CELF6: variants seen among roughly 807,000 people sequenced by gnomAD.
CELF6 encodes Bruno -like 6, RNA binding protein.
CELF6 carries 32 observed loss-of-function variants against 53.1 expected under a neutral mutation model. The observed-to-expected ratio is 0.60, with a 90% CI of 0.46 to 0.81. The LOEUF (loss-of-function observed/expected upper bound fraction) is 0.81. CELF6 is among the 30% of genes least tolerant of loss of function. The probability of loss-of-function intolerance (pLI) is 0.00; values close to 1 mark genes in which losing one functional copy is unlikely to be tolerated. For missense variants in CELF6, 539 were observed against 669.5 expected (o/e 0.81, Z 2.15); for synonymous variants, 291 against 288.8 (o/e 1.01, Z -0.08).
intron 3 of CELF6, among the ~76,000 whole-genome samples, chr15:72,291,743 C>T (rs565683760): frequency 4.3e-4 from 65 of 152,252 alleles, no homozygotes; most frequent in Middle Eastern, 3.4e-3. Context: ...GTCTGTCTGA[C>T]GATGCTATGT....
rs970142964 is a variant in CELF6 at position 72,288,987 on chromosome 15, T to A, written c.1031-57A>T. On this transcript the variant is annotated intron_variant, in intron 8 of 12. Coordinates refer to ENST00000287202, the MANE Select transcript of CELF6 (RefSeq NM_052840.5). This position sits in a 1 kb window ranked among gnomAD's most constrained non-coding sequence, Gnocchi z 4.6. ...AAGGCAAGCGGGCGAGCAGAGTGGGTGAGAAGCTCAGGGAGTGTGGGAGGT... is the reference window on the plus strand; with the variant it reads ...AAGGCAAGCGGGCGAGCAGAGTGGGAGAGAAGCTCAGGGAGTGTGGGAGGT... 9 of 1,479,140 alleles carry A rather than the reference T, an allele frequency of 6.1e-6. No homozygotes were observed. The Middle Eastern group carries it at 1.6e-3, about 257-fold the overall frequency. The allele number at this position is 1,479,140 out of a possible 1,614,324, so 91.6% of individuals were successfully genotyped here.
At position 72,286,067 on chromosome 15, in the gene CELF6, A is replaced by T. The variant is rs1046404057; in HGVS notation, c.*304T>A. ...AATGATATGATTTTGAAAGAAGTAA[A>T]TCTGGGCTTCCCTTGCGGAGAAGCC... On this transcript the variant is annotated 3_prime_UTR_variant, in exon 13 of 13. Transcript: ENST00000287202. 6.6e-6 allele frequency: 1 copy of T among 152,640 alleles called. No homozygotes were observed. The highest frequency in any genetic ancestry group is 1.5e-5 in the Non-Finnish European group (1 of 68,060). The allele number at this position is 152,640 out of a possible 1,614,324, so 9.5% of individuals were successfully genotyped here.
intron 2 of CELF6, among the ~76,000 whole-genome samples, chr15:72,314,331 C>T (rs1190886476): frequency 1.3e-5 from 2 of 152,078 alleles, no homozygotes; most frequent in Non-Finnish European, 2.9e-5. Flanking sequence ...CATAGAAAAC[C>T]AAACCCCTCT....
intron 3 of CELF6, among the ~76,000 whole-genome samples, chr15:72,300,082 C>T (rs531316858): frequency 6.6e-5 from 10 of 152,180 alleles, no homozygotes; most frequent in East Asian, 1.9e-4. Context: ...GGGCCGGGCA[C>T]GGTGGTTCTT....
intron 2 of CELF6, among the ~76,000 whole-genome samples, chr15:72,311,785 T>C (rs1164984030): frequency 2.0e-5 from 3 of 152,196 alleles, no homozygotes; most frequent in African/African-American, 7.2e-5. Context: ...ACAGTGCCTT[T>C]CTGTAAATTA....
At position 72,289,681 on chromosome 15, in the gene CELF6, GC is replaced by G; in HGVS notation, c.692del (p.Gly231AlafsTer10). The G allele has an allele frequency of 6.7e-7, 1 of 1,491,008 alleles. No homozygotes were observed. The highest frequency in any genetic ancestry group is 1.3e-5 in the South Asian group (1 of 78,796). The allele number at this position is 1,491,008 out of a possible 1,614,324, so 92.4% of individuals were successfully genotyped here. A position where few individuals can be genotyped will look rare whatever the true frequency, so the allele number is the denominator to read the frequency against. ...RRMQQMAGHL[G>X]AFHPAPLPLG... Reference sequence around the variant, plus strand: ...GCGGCAGTGGCGCGGGGTGGAAGGCGCCCAGGTGGCCGGCCATCTGCTGCAT... The same window carrying G: ...GCGGCAGTGGCGCGGGGTGGAAGGCGCCAGGTGGCCGGCCATCTGCTGCAT... On this transcript the variant is annotated frameshift_variant, in exon 6 of 13. Transcript: ENST00000287202. LOFTEE classifies it high-confidence loss of function. This position sits in a 1 kb window ranked among gnomAD's most constrained non-coding sequence, Gnocchi z 7.6.
intron 3 of CELF6, among the ~76,000 whole-genome samples, chr15:72,298,459 A>G (rs1301371356): frequency 6.6e-6 from 1 of 152,218 alleles, no homozygotes; most frequent in Non-Finnish European, 1.5e-5. Flanking sequence ...ATCCTCAGAG[A>G]ATGTTTTAAG....
intron 2 of CELF6, among the ~76,000 whole-genome samples, chr15:72,314,448 C>T (rs1470278897): frequency 2.6e-5 from 4 of 152,096 alleles, no homozygotes; most frequent in South Asian, 2.1e-4. Flanking sequence ...TACAGCCAAG[C>T]GAGCTAGGTG....
Position 72,289,383 on chromosome 15 carries a change from G to C in CELF6, c.872C>G (p.Pro291Arg). The C allele has an allele frequency of 6.4e-7, 1 of 1,553,976 alleles. No homozygotes were observed. ...AFSLVAAPLLPAAAANSPPGS... is the reference protein window; with the variant it reads ...AFSLVAAPLLRAAAANSPPGS... ...GTCCCTGGGGGCCGTACCTGCCGCG[G>C]GCAACAGAGGCGCAGCTACCAGGCT... is the stretch of plus-strand genomic sequence containing the variant. Residue 291 changes from proline to arginine, a missense_variant, in exon 7 of 13, where the codon CCC (proline) becomes CGC (arginine). Physicochemically the swap from Pro to Arg is moderately radical, Grantham distance 103 (BLOSUM62 -2). Around this residue, in one of 3 missense-constraint regions of CELF6, gnomAD observed 358 missense variants for 412.8 expected, o/e 0.87. Transcript: ENST00000287202. The surrounding 1 kb of genome is among the most constrained non-coding windows in gnomAD (Gnocchi z 7.6).
intron 3 of CELF6, chr15:72,292,196 A>C: frequency 6.5e-7 from 1 of 1,534,236 alleles, no homozygotes. Context: ...GAAATTACTG[A>C]CCTAGAAGAT....
chr15:72,302,131 A>G (rs1681149780), intron 3 of CELF6, among the ~76,000 whole-genome samples: 1 of 152,250 alleles, frequency 6.6e-6, no homozygotes, highest in Non-Finnish European at 1.5e-5. Context: ...AAGAAAATAC[A>G]TTTTGATTAG....
intron 3 of CELF6, among the ~76,000 whole-genome samples, chr15:72,295,192 T>C (rs945540977): frequency 6.7e-6 from 1 of 148,646 alleles, no homozygotes; most frequent in Non-Finnish European, 1.5e-5. Context: ...AAATTAGCCG[T>C]GTGTAGGTGG....
chr15:72,304,402 C>T (rs574022414), intron 3 of CELF6, among the ~76,000 whole-genome samples: 2 of 152,286 alleles, frequency 1.3e-5, no homozygotes, highest in Admixed American at 1.3e-4. Context: ...ATAACCCCCA[C>T]CTGATTCTTA....
chr15:72,320,115 T>C lies in CELF6; in HGVS notation c.-241A>G, dbSNP rs760087045. On this transcript the variant is annotated 5_prime_UTR_variant, in exon 1 of 13. Transcript: ENST00000287202. ...TGGCGGCTGAACGCTGGGGTCTGGC[T>C]TGAGGTCCCCGTGCGGCTCTCTCTG... 1.2e-5 allele frequency: 8 copies of C among 648,224 alleles called. No homozygotes were observed. The highest frequency in any genetic ancestry group is 1.2e-4 in the South Asian group (8 of 66,120). 40.2% of individuals were successfully genotyped at this position (648,224 alleles called of 1,614,324 possible).
At chr15:72,303,566 A>G (rs1021510701) in intron 3 of CELF6, among the ~76,000 whole-genome samples, 24 of 152,196 alleles carry the variant, frequency 1.6e-4, no homozygotes, top group African/African-American at 5.8e-4. Flanking sequence ...ATACATGTTT[A>G]TATCAATTGG....
intron 3 of CELF6, among the ~76,000 whole-genome samples, chr15:72,302,505 A>T (rs2088172503): frequency 1.3e-5 from 2 of 152,232 alleles, no homozygotes; most frequent in Non-Finnish European, 2.9e-5. Flanking sequence ...TGACACCTGC[A>T]AAGTTTATAC....
At chr15:72,300,868 T>A (rs1274122605) in intron 3 of CELF6, among the ~76,000 whole-genome samples, 1 of 151,708 alleles carries the variant, frequency 6.6e-6, no homozygotes, top group South Asian at 2.1e-4. Flanking sequence ...GTGTGCACAA[T>A]GTAATCCTGC....
chr15:72,301,804 T>C (rs1162246640), intron 3 of CELF6, among the ~76,000 whole-genome samples: 1 of 150,408 alleles, frequency 6.6e-6, no homozygotes, highest in African/African-American at 2.4e-5. Flanking sequence ...TGGTGCGATC[T>C]TGGCTCACTG....
chr15:72,310,580 C>T (rs1363923976), intron 2 of CELF6, among the ~76,000 whole-genome samples: 1 of 151,202 alleles, frequency 6.6e-6, no homozygotes, highest in Non-Finnish European at 1.5e-5. Flanking sequence ...CGTCGACCTC[C>T]AGGGCTCAAG....
Sources: gnomAD v4.1 joint callset for allele counts (sites outside exome capture counted in the v4.1 genomes callset) on GRCh38, gnomAD v4.1.1 for gene constraint, gnomAD v4.1.1 regional missense constraint, Gnocchi (gnomAD v3.1) non-coding constraint, MANE v1.5 for transcripts, NCBI Gene and HGNC (gene_info 2026-07-23, HGNC 2026-07-21) for gene names.